The following VBP1 variants were observed in gnomAD, a reference collection of about 807,000 sequenced individuals.
VBP1 encodes VHL binding protein 1, also known as prefoldin subunit 3.
VBP1 carries 4 observed loss-of-function variants against 15.5 expected under a neutral mutation model. The observed-to-expected ratio is 0.26, with a 90% CI of 0.13 to 0.59. The LOEUF is 0.59. Among genes scored for constraint, VBP1 ranks in the 20% least tolerant of loss-of-function variants. The probability of loss-of-function intolerance (pLI) is 0.90; values close to 1 mark genes in which losing one functional copy is unlikely to be tolerated. For synonymous variants in VBP1, 61 were observed against 52.1 expected (o/e 1.17, Z -0.74); for missense variants, 108 against 139.6 (o/e 0.77, Z 1.14).
chrX:155,221,111 G>A (rs2074687423), intron 2 of VBP1, among the ~76,000 whole-genome samples: 1 of 111,308 alleles, frequency 9.0e-6, no homozygotes, highest in Admixed American at 9.5e-5. Context: ...TGGGCAGATT[G>A]CCTGAGCTCA....
chrX:155,231,632 C>T (rs1171815321), intron 4 of VBP1, among the ~76,000 whole-genome samples: 4 of 112,358 alleles, frequency 3.6e-5, no homozygotes, highest in Non-Finnish European at 5.6e-5. Context: ...TGCTCCATCC[C>T]CAGATGCACC....
upstream of VBP1, among the ~76,000 whole-genome samples, chrX:155,212,741 T>TA (rs1170693547): frequency 9.0e-6 from 1 of 111,538 alleles, no homozygotes; most frequent in Non-Finnish European, 1.9e-5. Context: ...TAAAGCAGGG[T>TA]AATGTCTGGG....
At chrX:155,209,592 G>A (rs2074637754) in intron 2 of VBP1, among the ~76,000 whole-genome samples, 1 of 112,301 alleles carries the variant, frequency 8.9e-6, no homozygotes, top group African/African-American at 3.2e-5. Context: ...GTGGAAGTAG[G>A]CAGTGGTAAT....
At chrX:155,204,919 T>C (rs2074621347) in intron 1 of VBP1, among the ~76,000 whole-genome samples, 1 of 112,092 alleles carries the variant, frequency 8.9e-6, no homozygotes, top group Admixed American at 9.5e-5. Context: ...TCACTTCTAG[T>C]CTATATTAAT....
At chrX:155,220,153 A>G (rs2074682551) in intron 1 of VBP1, 30 bp from the exon 2 acceptor site, 3 of 1,176,786 alleles carry the variant, frequency 2.5e-6, no homozygotes, top group Non-Finnish European at 3.4e-6. Context: ...GAATTCTAAA[A>G]TTTGTAAAGT....
chrX:155,221,257 G>A (rs191840212), intron 2 of VBP1, among the ~76,000 whole-genome samples: 7 of 111,259 alleles, frequency 6.3e-5, no homozygotes, highest in Admixed American at 3.8e-4. Flanking sequence ...GCTTGAGCCC[G>A]GGAGGCGAAG....
chrX:155,205,160 A>C (rs1161407525), intron 1 of VBP1, among the ~76,000 whole-genome samples: 1 of 112,397 alleles, frequency 8.9e-6, no homozygotes, highest in African/African-American at 3.2e-5. Context: ...AGTGCACTGC[A>C]TAAATTTTAT....
intron 1 of VBP1, among the ~76,000 whole-genome samples, chrX:155,219,336 C>G (rs1239720605): frequency 8.9e-6 from 1 of 111,931 alleles, no homozygotes; most frequent in Non-Finnish European, 1.9e-5. Flanking sequence ...ATTAACTAGC[C>G]TTTCTTCAAG....
At chrX:155,228,540 C>A in intron 4 of VBP1, 58 bp downstream of exon 4, 3 of 959,675 alleles carry the variant, frequency 3.1e-6, no homozygotes, top group Non-Finnish European at 4.4e-6. Flanking sequence ...TTTTCTGTAG[C>A]AAACACACTG....
rs371183464 is a variant in VBP1 at position 155,228,390 on chromosome X, A to G, written c.292A>G (p.Thr98Ala). ...TTTTTTTTTTGTTTTGAAGGAGTCC[A>G]CCAACTCAATGGAGACCAGATTCTT... ...LKYMQKKKES[T>A]NSMETRFLLA... Residue 98 changes from threonine to alanine, a missense_variant, in exon 4 of 6, where the codon ACC (threonine) becomes GCC (alanine). Coordinates refer to ENST00000286428, the MANE Select transcript of VBP1 (RefSeq NM_003372.7). 5.0e-6 allele frequency: 6 copies of G among 1,199,113 alleles called. No homozygotes were observed. In the African/African-American group the frequency reaches 5.4e-5, roughly 11 times the overall value.
intron 1 of VBP1, among the ~76,000 whole-genome samples, chrX:155,208,265 T>G (rs192702801): frequency 3.6e-5 from 4 of 112,193 alleles, no homozygotes; most frequent in Non-Finnish European, 5.6e-5. Context: ...TGAATATAAT[T>G]TAAAATCTGA....
chrX:155,210,314 T>C (rs2074640126), intron 2 of VBP1, among the ~76,000 whole-genome samples: 1 of 111,146 alleles, frequency 9.0e-6, no homozygotes, highest in Non-Finnish European at 1.9e-5. Context: ...ATTAGCTGGA[T>C]ATAGTGGCAT....
intron 1 of VBP1, among the ~76,000 whole-genome samples, chrX:155,199,832 A>G (rs1466976539): frequency 1.8e-5 from 2 of 112,705 alleles, no homozygotes; most frequent in Non-Finnish European, 3.7e-5. Context: ...TAAAGAGTCA[A>G]GACCCATCAG....
intron 1 of VBP1, among the ~76,000 whole-genome samples, chrX:155,202,920 CA>C (rs1190260721): frequency 9.0e-6 from 1 of 111,597 alleles, no homozygotes; most frequent in Non-Finnish European, 1.9e-5. Context: ...AATAAAAAAT[CA>C]AACAACCCCA....
rs1475892006 is a variant in VBP1 at position 155,239,106 on chromosome X, G to A, written c.*264G>A. The A allele has an allele frequency of 8.4e-6, 2 of 236,719 alleles. No homozygotes were observed. The highest frequency in any genetic ancestry group is 1.0e-4 in the South Asian group (1 of 9,750). The allele number at this position is 236,719 out of a possible 1,213,427, so 19.5% of individuals were successfully genotyped here. A position where few individuals can be genotyped will look rare whatever the true frequency, so the allele number is the denominator to read the frequency against. The stretch of plus-strand genomic sequence containing the variant: ...AAGAAAACTCTTAGCTGAAATGGCC[G>A]AAAACTGTGAGACATGCTATGGAAG... On this transcript the variant is annotated 3_prime_UTR_variant, in exon 6 of 6. Coordinates refer to ENST00000286428, the MANE Select transcript of VBP1 (RefSeq NM_003372.7).
upstream of VBP1, among the ~76,000 whole-genome samples, chrX:155,214,768 C>CTTTTTTTTTTTTTTTTTTT (rs782556765): frequency 6.6e-4 from 55 of 83,046 alleles, 1 homozygote; most frequent in African/African-American, 1.4e-3. Flanking sequence ...TTTTCTTTTC[C>CTTTTTTTTTTTTTTTTTTT]TTTTTTTTTT....
intron 2 of VBP1, among the ~76,000 whole-genome samples, chrX:155,226,186 C>T (rs1467838534): frequency 1.8e-5 from 2 of 112,013 alleles, no homozygotes; most frequent in East Asian, 5.5e-4. Flanking sequence ...GCATATATCT[C>T]CATGCAAAAC....
At chrX:155,201,504 A>T (rs1311316341) in intron 1 of VBP1, among the ~76,000 whole-genome samples, 1 of 87,488 alleles carries the variant, frequency 1.1e-5, no homozygotes, top group Non-Finnish European at 2.1e-5. Flanking sequence ...AACCAAAGAC[A>T]AAAACCACAT....
intron 4 of VBP1, among the ~76,000 whole-genome samples, chrX:155,235,809 C>T (rs1041035940): frequency 1.9e-4 from 21 of 112,140 alleles, no homozygotes; most frequent in African/African-American, 6.2e-4. Context: ...TGTATCTAAA[C>T]ATACTGGTTT....
Sources: gnomAD v4.1 joint callset for allele counts (sites outside exome capture counted in the v4.1 genomes callset) on GRCh38, gnomAD v4.1.1 for gene constraint, MANE v1.5 for transcripts, NCBI Gene and HGNC (gene_info 2026-07-23, HGNC 2026-07-21) for gene names.